The following CACNB4 variants were observed in gnomAD, a reference collection of about 807,000 sequenced individuals.
CACNB4 encodes the protein calcium voltage-gated channel auxiliary subunit beta 4.
A neutral mutation model predicts 71.2 loss-of-function variants in CACNB4; 32 were observed. That is an observed-to-expected ratio of 0.45 (90% confidence interval 0.34 to 0.60). CACNB4 has a LOEUF of 0.60. Among genes scored for constraint, CACNB4 ranks in the 20% least tolerant of loss-of-function variants. The pLI is 0.01. For synonymous variants in CACNB4, 231 were observed against 236.9 expected, an observed-to-expected ratio of 0.97 and a Z score of 0.23; for missense variants, 464 against 647.9, an observed-to-expected ratio of 0.72 and a Z score of 3.08.
intron 2 of CACNB4, among the ~76,000 whole-genome samples, chr2:151,919,106 A>G (rs1158125219): frequency 6.6e-6 from 1 of 152,208 alleles, no homozygotes; most frequent in African/African-American, 2.4e-5. Flanking sequence ...GGGGTGTTTC[A>G]AAGGAGAGAT....
chr2:151,883,342 G>A lies in CACNB4; in HGVS notation c.176C>T (p.Pro59Leu), dbSNP rs753047139. Residue 59 changes from proline (P) to leucine (L), a missense_variant, in exon 3 of 14, where the codon CCG becomes CTG. Around this residue, in one of 3 missense-constraint regions of CACNB4, gnomAD observed 299 missense variants for 471.7 expected, o/e 0.63. Transcript: ENST00000539935. ...TTCCAAAGAGACATCGGAGTCAGAC[G>A]GCCTGCTTGTGTAGGAATCCGCTGA... ...QGSADSYTSRPSDSDVSLEED... is the reference protein window; with the variant it reads ...QGSADSYTSRLSDSDVSLEED... 16 of 1,613,688 alleles carry A rather than the reference G, an allele frequency of 9.9e-6. No individual in the cohort carries two copies. Among genetic ancestry groups the A allele is most frequent in the South Asian group, 6.6e-5 (6 of 91,064 alleles).
chr2:151,919,948 A>ATT (rs1367826918), intron 2 of CACNB4, among the ~76,000 whole-genome samples: 2 of 152,158 alleles, frequency 1.3e-5, no homozygotes, highest in Non-Finnish European at 2.9e-5. Context: ...TAAATAGCTC[A>ATT]TTTTTCTTCC....
chr2:151,965,983 C>CATCCAG (rs2099870990), intron 2 of CACNB4, among the ~76,000 whole-genome samples: 1 of 152,224 alleles, frequency 6.6e-6, no homozygotes, highest in Admixed American at 6.5e-5. Flanking sequence ...AAGGTCCGAA[C>CATCCAG]ACTGATACCT....
Position 151,837,832 on chromosome 2 carries a change from A to T in CACNB4, c.*1287T>A, listed in dbSNP as rs1168405633. 1 of 152,192 alleles carries T rather than the reference A, an allele frequency of 6.6e-6. No individual in the cohort carries two copies. The highest frequency in any genetic ancestry group is 1.5e-5 in the Non-Finnish European group (1 of 68,006). 9.4% of individuals were successfully genotyped at this position (152,192 alleles called of 1,614,324 possible). A position where few individuals can be genotyped will look rare whatever the true frequency, so the allele number is the denominator to read the frequency against. On this transcript the variant is annotated 3_prime_UTR_variant, in exon 14 of 14. Coordinates refer to ENST00000539935, the MANE Select transcript of CACNB4 (RefSeq NM_000726.5). ...CAAATTCTTTATAATTTTCTGCATT[A>T]AAAATGCTATAATTTTAGTCAACAA...
At chr2:151,870,259 T>C (rs2099844263) in intron 8 of CACNB4, 1 of 703,072 alleles carries the variant, frequency 1.4e-6, no homozygotes. Context: ...GCATTTAATG[T>C]ACAGCAAATC....
At chr2:152,088,517 G>C (rs1167131472) in intron 2 of CACNB4, among the ~76,000 whole-genome samples, 2 of 152,164 alleles carry the variant, frequency 1.3e-5, no homozygotes, top group Non-Finnish European at 2.9e-5. Context: ...TTCTTTTCAA[G>C]TTTATGTTTA....
rs540761808 is a variant in CACNB4 at position 152,047,162 on chromosome 2, C to T, written c.147+51168G>A. On this transcript the variant is annotated intron_variant, in intron 2 of 13. Coordinates refer to ENST00000539935, the MANE Select transcript of CACNB4 (RefSeq NM_000726.5). ...TAGTCACCCAAGTACATTAGACTCA[C>T]GAGATGCTTGGTTCCCTATAGAAAC... Among the ~76,000 whole-genome samples, 6 of 152,332 alleles carry T rather than the reference C, an allele frequency of 3.9e-5. 1 individual carries two copies. The highest frequency in any genetic ancestry group is 2.6e-4 in the Admixed American group (4 of 15,306).
chr2:151,989,214 C>G (rs1681550414), intron 2 of CACNB4, among the ~76,000 whole-genome samples: 1 of 152,190 alleles, frequency 6.6e-6, no homozygotes, highest in African/African-American at 2.4e-5. Context: ...AGCCTTAACA[C>G]ACAAACACTT....
rs946796938 is a variant in CACNB4 at position 151,834,268 on chromosome 2, A to G, written c.*4851T>C. ...TATTCTCCCAAACCACTCTAAATTC[A>G]TTAGTAACATTTTCTACCATCCTTC... On this transcript the variant is annotated 3_prime_UTR_variant, in exon 14 of 14. Coordinates refer to ENST00000539935, the MANE Select transcript of CACNB4 (RefSeq NM_000726.5). The G allele has an allele frequency of 6.6e-6, 1 of 152,022 alleles. No individual in the cohort carries two copies. 9.4% of individuals were successfully genotyped at this position (152,022 alleles called of 1,614,324 possible).
chr2:151,983,876 C>A (rs151172429), intron 2 of CACNB4, among the ~76,000 whole-genome samples: 1 of 152,230 alleles, frequency 6.6e-6, no homozygotes, highest in African/African-American at 2.4e-5. Flanking sequence ...CTGAACTTTG[C>A]GTGGGAGAGC....
intron 2 of CACNB4, among the ~76,000 whole-genome samples, chr2:152,061,146 A>G (rs1685990280): frequency 1.3e-5 from 2 of 152,110 alleles, no homozygotes; most frequent in South Asian, 4.1e-4. Flanking sequence ...CGTCTCCACA[A>G]AAAATTTTTG....
At chr2:151,898,691 A>T (rs1340614808) in intron 2 of CACNB4, among the ~76,000 whole-genome samples, 1 of 152,252 alleles carries the variant, frequency 6.6e-6, no homozygotes, top group Non-Finnish European at 1.5e-5. Flanking sequence ...CCTATTTTAA[A>T]GCTAAGACAA....
chr2:152,085,585 G>T, intron 2 of CACNB4, among the ~76,000 whole-genome samples: 1 of 151,950 alleles, frequency 6.6e-6, no homozygotes. Flanking sequence ...GTCCCGGCTG[G>T]TCTCCACAGC....
chr2:152,038,620 G>T (rs994850924), intron 2 of CACNB4, among the ~76,000 whole-genome samples: 1 of 152,216 alleles, frequency 6.6e-6, no homozygotes, highest in Non-Finnish European at 1.5e-5. Flanking sequence ...CTCATTAACA[G>T]CAGAGGCTGA....
intron 2 of CACNB4, among the ~76,000 whole-genome samples, chr2:151,893,362 C>T (rs1386305105): frequency 6.6e-6 from 1 of 152,120 alleles, no homozygotes; most frequent in African/African-American, 2.4e-5. Flanking sequence ...GTGCCTCAGC[C>T]TCCTTAATAG....
chr2:151,978,718 C>T (rs1365734809), intron 2 of CACNB4, among the ~76,000 whole-genome samples: 1 of 152,202 alleles, frequency 6.6e-6, no homozygotes, highest in Non-Finnish European at 1.5e-5. Context: ...TGGCCTAAAG[C>T]CCTGATGCCC....
At chr2:152,024,586 G>C (rs560177141) in intron 2 of CACNB4, among the ~76,000 whole-genome samples, 1 of 151,972 alleles carries the variant, frequency 6.6e-6, no homozygotes. Context: ...AAACAAAGCA[G>C]TAAGAAATAC....
At chr2:151,914,658 G>A (rs992796006) in intron 2 of CACNB4, among the ~76,000 whole-genome samples, 2 of 152,040 alleles carry the variant, frequency 1.3e-5, no homozygotes, top group Non-Finnish European at 2.9e-5. Flanking sequence ...TTTTTTGTGG[G>A]GGCCTTTTGT....
At chr2:151,986,612 T>G (rs1189345420) in intron 2 of CACNB4, among the ~76,000 whole-genome samples, 1 of 152,182 alleles carries the variant, frequency 6.6e-6, no homozygotes, top group East Asian at 1.9e-4. Context: ...AACCTGGACT[T>G]AGGAAGTACC....
Sources: allele counts gnomAD v4.1 joint callset (sites outside exome capture counted in the v4.1 genomes callset), GRCh38; gene constraint gnomAD v4.1.1; regional missense constraint gnomAD v4.1.1; transcripts MANE v1.5; gene names NCBI Gene and HGNC (gene_info 2026-07-23, HGNC 2026-07-21).